Variants in MOV10L1 observed in about 807,000 individuals in gnomAD.
The protein encoded by MOV10L1 is RNA helicase Mov10l1.
Under a neutral mutation model 143.8 loss-of-function variants are expected in MOV10L1, and 110 were observed. That is an observed-to-expected ratio of 0.76 (90% CI 0.66 to 0.90). The LOEUF is 0.90. Ranked by LOEUF, MOV10L1 falls within the 40% of genes least tolerant of loss-of-function variation. MOV10L1 has a pLI of 0.00. For synonymous variants in MOV10L1, 593 were observed against 581.1 expected (o/e 1.02, Z -0.29); for missense variants, 1,406 against 1,526.8 (o/e 0.92, Z 1.32).
rs1412875379 is a variant in MOV10L1 at position 50,161,302 on chromosome 22, G to C, written c.3555-66G>C. On this transcript the variant is annotated intron_variant, in intron 26 of 26. Transcript: ENST00000262794. ...CCTTGTAAAACCCACATTGGGAAAAGAGTGCAGCTCCCAGCCCGCTGTGGG... is the reference window on the plus strand; with the variant it reads ...CCTTGTAAAACCCACATTGGGAAAACAGTGCAGCTCCCAGCCCGCTGTGGG... 3.0e-6 allele frequency: 4 copies of C among 1,333,890 alleles called. No homozygotes were observed. In the African/African-American group the frequency reaches 5.9e-5, roughly 20 times the overall value. The allele number at this position is 1,333,890 out of a possible 1,614,324, so 82.6% of individuals were successfully genotyped here. A position where few individuals can be genotyped will look rare whatever the true frequency, so the allele number is the denominator to read the frequency against.
chr22:50,131,199 C>T (rs745709467), intron 13 of MOV10L1, among the ~76,000 whole-genome samples: 3 of 152,190 alleles, frequency 2.0e-5, no homozygotes, highest in South Asian at 2.1e-4. Context: ...TGGGCCACCA[C>T]ACCCGGCCAC....
Position 50,145,895 on chromosome 22 carries a change from G to T in MOV10L1, c.2627+85G>T. Reference sequence around the variant, plus strand: ...CCTAGCTTCTGTCTGAGGGGCGGATGACCCAGAGACTCAGTGCTCAGGGAG... The same window carrying T: ...CCTAGCTTCTGTCTGAGGGGCGGATTACCCAGAGACTCAGTGCTCAGGGAG... On this transcript the variant is annotated intron_variant, in intron 19 of 26. Transcript: ENST00000262794. 1.9e-6 allele frequency: 3 copies of T among 1,567,996 alleles called. No homozygotes were observed. In the South Asian group the frequency reaches 3.4e-5, roughly 18 times the overall value.
At position 50,150,860 on chromosome 22, in the gene MOV10L1, A is replaced by C. The variant is rs758849727; in HGVS notation, c.2853A>C (p.Glu951Asp). Reference sequence around the variant, plus strand: ...CTCGACCCGCGTACCAGAGGGACGAAAATGCTTTCGGTGCTTGTGGCGCAC... The same window carrying C: ...CTCGACCCGCGTACCAGAGGGACGACAATGCTTTCGGTGCTTGTGGCGCAC... ...LMSRPAYQRDENAFGACGAHN... is the reference protein window; with the variant it reads ...LMSRPAYQRDDNAFGACGAHN... The change falls in exon 21 of 27, where the codon GAA (glutamate) becomes GAC (aspartate). Residue 951 changes from glutamate (E) to aspartate (D), a missense_variant. Glu to Asp is a conservative substitution (Grantham distance 45, BLOSUM62 2). This residue lies in a region of MOV10L1 where 1,233 missense variants were observed against 1,351.4 expected (regional missense o/e 0.91). Transcript: ENST00000262794. The C allele has an allele frequency of 1.3e-5, 21 of 1,614,104 alleles. 1 individual carries two copies. In the Admixed American group the frequency reaches 3.3e-4, roughly 26 times the overall value.
In MOV10L1 at chr22:50,113,752, A is replaced by T. The variant is rs1317823236; in HGVS notation, c.848A>T (p.Lys283Met). Residue 283 changes from lysine (K) to methionine (M), a missense_variant, in exon 6 of 27, where the codon AAG becomes ATG. Lys to Met is a moderately conservative substitution (Grantham distance 95). This residue lies in a region of MOV10L1 where 1,233 missense variants were observed against 1,351.4 expected (regional missense o/e 0.91). Coordinates refer to ENST00000262794, the MANE Select transcript of MOV10L1 (RefSeq NM_018995.3). ...CAGGTGACGCATTTTGGAACCCTAAAGGAAGGAAGAAGTAAAACCATGGTG... is the reference window on the plus strand; with the variant it reads ...CAGGTGACGCATTTTGGAACCCTAATGGAAGGAAGAAGTAAAACCATGGTG... The part of the protein sequence containing the change: ...VTQVTHFGTL[K>M]EGRSKTMVIW... The T allele has an allele frequency of 3.7e-6, 6 of 1,613,700 alleles. No individual in the cohort carries two copies. The African/African-American group carries it at 8.0e-5, about 22-fold the overall frequency.
In MOV10L1 at chr22:50,144,199, C is replaced by T. The variant is rs769005500; in HGVS notation, c.2461C>T (p.Pro821Ser). 2 of 1,611,606 alleles carry T rather than the reference C, an allele frequency of 1.2e-6. No individual in the cohort carries two copies. Among genetic ancestry groups the T allele is most frequent in the African/African-American group, 1.3e-5 (1 of 75,008 alleles). Residue 821 changes from proline to serine, a missense_variant, in exon 18 of 27, where the codon CCG becomes TCG. By Grantham distance (74) the Pro-to-Ser change is moderately conservative. Coordinates refer to ENST00000262794, the MANE Select transcript of MOV10L1 (RefSeq NM_018995.3). ...GCTGCACGAGAGCAAGGTGCTACAGCCGGCCACCATGGTCCGGGTGAACGC... is the reference window on the plus strand; with the variant it reads ...GCTGCACGAGAGCAAGGTGCTACAGTCGGCCACCATGGTCCGGGTGAACGC... ...LRLHESKVLQ[P>S]ATMVRVNATC...
intron 15 of MOV10L1, among the ~76,000 whole-genome samples, chr22:50,138,904 A>G (rs1051837300): frequency 6.6e-6 from 1 of 151,980 alleles, no homozygotes; most frequent in African/African-American, 2.4e-5. Flanking sequence ...AGGTTTCACC[A>G]TGTTGATCAG....
chr22:50,107,283 C>T (rs1378065213), intron 3 of MOV10L1, among the ~76,000 whole-genome samples: 2 of 151,514 alleles, frequency 1.3e-5, no homozygotes, highest in African/African-American at 4.9e-5. Context: ...ACCGTGGTCT[C>T]GATCTCCTGA....
chr22:50,134,940 T>C (rs778187425), intron 15 of MOV10L1, among the ~76,000 whole-genome samples: 2 of 152,208 alleles, frequency 1.3e-5, no homozygotes, highest in African/African-American at 2.4e-5. Context: ...ATGGCTACAA[T>C]ATATTAAATA....
At chr22:50,112,445 A>G (rs1281803015) in intron 5 of MOV10L1, among the ~76,000 whole-genome samples, 2 of 152,224 alleles carry the variant, frequency 1.3e-5, no homozygotes, top group Non-Finnish European at 2.9e-5. Context: ...CCCAGGAACC[A>G]GGGGCCTGAA....
chr22:50,143,373 G>A, intron 17 of MOV10L1, 152 bp downstream of exon 17: 1 of 905,616 alleles, frequency 1.1e-6, no homozygotes, highest in Non-Finnish European at 1.8e-6. Context: ...GTCTGTTTTT[G>A]TGGATATGTA....
chr22:50,121,031 C>A (rs2062326719), intron 10 of MOV10L1, among the ~76,000 whole-genome samples: 1 of 152,216 alleles, frequency 6.6e-6, no homozygotes, highest in Non-Finnish European at 1.5e-5. Context: ...TCCCCACCCA[C>A]ATGGGAGACA....
chr22:50,092,824 A>G (rs9617068), intron 2 of MOV10L1: 34,096 of 152,174 alleles, frequency 0.22, 4,171 homozygotes, highest in Admixed American at 0.35. Context: ...ACAAATTTAT[A>G]CTCTTAGGAG....
chr22:50,106,325 C>CTTT (rs1165257394), intron 3 of MOV10L1, among the ~76,000 whole-genome samples: 20,266 of 94,370 alleles, frequency 0.21, 3,083 homozygotes, highest in Non-Finnish European at 0.3. Flanking sequence ...CCAACTAATT[C>CTTT]TTTTTTTTTT....
At position 50,108,853 on chromosome 22, in the gene MOV10L1, A is replaced by G. The variant is rs1393935972; in HGVS notation, c.743+9A>G. The G allele has an allele frequency of 1.2e-6, 2 of 1,613,612 alleles. No homozygotes were observed. The highest frequency in any genetic ancestry group is 2.2e-5 in the South Asian group (2 of 91,052). On this transcript the variant is annotated intron_variant, in intron 5 of 26. Coordinates refer to ENST00000262794, the MANE Select transcript of MOV10L1 (RefSeq NM_018995.3). ...ACCCTAGTGAAGAGGCGGTAAGAAA[A>G]TGCTTTTCTGGCCAGGTGCGGTGGC...
At chr22:50,097,235 C>T (rs1351056225) in intron 2 of MOV10L1, among the ~76,000 whole-genome samples, 4 of 152,096 alleles carry the variant, frequency 2.6e-5, no homozygotes, top group Non-Finnish European at 5.9e-5. Flanking sequence ...ACCTTAGCCA[C>T]CTGAGCAGCT....
At chr22:50,138,526 C>T (rs549248904) in intron 15 of MOV10L1, among the ~76,000 whole-genome samples, 2 of 151,498 alleles carry the variant, frequency 1.3e-5, no homozygotes, top group South Asian at 4.2e-4. Context: ...CCACTACACT[C>T]CAGCCTGAGT....
intron 24 of MOV10L1, among the ~76,000 whole-genome samples, chr22:50,160,122 G>A (rs1109823): frequency 0.38 from 57,502 of 151,642 alleles, 11,957 homozygotes; most frequent in Non-Finnish European, 0.47. Context: ...CTAAGACCCC[G>A]CCATCCAGAC....
chr22:50,105,272 A>C (rs1375156272), intron 3 of MOV10L1, among the ~76,000 whole-genome samples: 2 of 152,232 alleles, frequency 1.3e-5, no homozygotes, highest in African/African-American at 4.8e-5. Context: ...TTCAGAGCCC[A>C]TAAGTGTTCA....
At chr22:50,096,414 C>A (rs1166653429) in intron 2 of MOV10L1, 1 of 152,150 alleles carries the variant, frequency 6.6e-6, no homozygotes, top group East Asian at 1.9e-4. Flanking sequence ...TGGGTTGTTT[C>A]TACTTTTTGG....
Sources: allele counts gnomAD v4.1 joint callset (sites outside exome capture counted in the v4.1 genomes callset), GRCh38; gene constraint gnomAD v4.1.1; regional missense constraint gnomAD v4.1.1; transcripts MANE v1.5; gene names NCBI Gene and HGNC (gene_info 2026-07-23, HGNC 2026-07-21).